Variants in TBX15 observed in about 807,000 individuals in gnomAD.
The protein encoded by TBX15 is T-box transcription factor TBX15.
Under a neutral mutation model 53.9 loss-of-function variants are expected in TBX15, and 18 were observed. That is an observed-to-expected ratio of 0.33 (90% CI 0.23 to 0.49). The LOEUF (loss-of-function observed/expected upper bound fraction) is 0.49, where lower values mean the gene tolerates loss of function less well. TBX15 is among the 20% of genes least tolerant of loss of function. The pLI, the probability that TBX15 is intolerant of heterozygous loss-of-function variation, is 0.98. For missense variants in TBX15, 692 were observed against 749.5 expected, an observed-to-expected ratio of 0.92 and a Z score of 0.90; for synonymous variants, 295 against 278.0, an observed-to-expected ratio of 1.06 and a Z score of -0.61.
rs1365702378 is a variant in TBX15, at chr1:118,931,841, T to C, written c.206-9A>G. The C allele has an allele frequency of 6.4e-7, 1 of 1,559,304 alleles. No homozygotes were observed. The highest frequency in any genetic ancestry group is 1.9e-5 in the Admixed American group (1 of 51,360). Reference sequence around the variant, plus strand: ...AGTGCTCTGCTCAGAATCTGCAAAATAAACAATCAAGCCTTAGGTGAGAAA... The same window carrying C: ...AGTGCTCTGCTCAGAATCTGCAAAACAAACAATCAAGCCTTAGGTGAGAAA... On this transcript the variant is annotated splice_polypyrimidine_tract_variant and intron_variant, in intron 1 of 7. Transcript: ENST00000369429.
chr1:118,914,600 G>A (rs1655139115), intron 5 of TBX15, among the ~76,000 whole-genome samples: 1 of 152,108 alleles, frequency 6.6e-6, no homozygotes, highest in Non-Finnish European at 1.5e-5. Context: ...AATTAATAAT[G>A]GACTCAGTCA....
chr1:118,974,896 C>T (rs572976577), intron 1 of TBX15, among the ~76,000 whole-genome samples: 35 of 152,308 alleles, frequency 2.3e-4, no homozygotes, highest in African/African-American at 7.0e-4. Flanking sequence ...TTTGTAAATT[C>T]AATCCATGGC....
In TBX15 at chr1:118,899,009, C is replaced by A. The variant is rs968452089; in HGVS notation, c.1024+19G>T. 6.2e-7 allele frequency: 1 copy of A among 1,612,568 alleles called. No individual in the cohort carries two copies. Among genetic ancestry groups the A allele is most frequent in the African/African-American group, 1.3e-5 (1 of 74,874 alleles). ...CCCTGGCCCTATCACTAAGCAGAGG[C>A]CTTGCTCCAGGGCTTTACCTTGCTG... On this transcript the variant is annotated intron_variant, in intron 7 of 7. Transcript: ENST00000369429.
chr1:118,916,555 G>C (rs1434383928), intron 5 of TBX15, among the ~76,000 whole-genome samples: 1 of 152,150 alleles, frequency 6.6e-6, no homozygotes, highest in African/African-American at 2.4e-5. Flanking sequence ...ACGCCAGTCA[G>C]AAATGGCGAT....
chr1:118,955,377 C>T (rs1294823852), intron 1 of TBX15, among the ~76,000 whole-genome samples: 2 of 152,210 alleles, frequency 1.3e-5, no homozygotes, highest in Non-Finnish European at 2.9e-5. Flanking sequence ...TATACTTATA[C>T]ACAAGTCAGC....
At position 118,899,262 on chromosome 1, in the gene TBX15, G is replaced by T. The variant is rs1017243028; in HGVS notation, c.927-137C>A. On this transcript the variant is annotated intron_variant, in intron 6 of 7. Transcript: ENST00000369429. ...AGCTACCACCATCAAGGTAAATTCG[G>T]GTGAAAAAACTCAAGGTACAATGAT... 3.7e-6 allele frequency: 3 copies of T among 820,140 alleles called. No individual in the cohort carries two copies. The African/African-American group carries it at 5.1e-5, about 14-fold the overall frequency. 50.8% of individuals were successfully genotyped at this position (820,140 alleles called of 1,614,324 possible). A position where few individuals can be genotyped will look rare whatever the true frequency, so the allele number is the denominator to read the frequency against.
intron 1 of TBX15, among the ~76,000 whole-genome samples, chr1:118,937,969 C>A (rs1016376574): frequency 6.6e-6 from 1 of 152,128 alleles, no homozygotes; most frequent in African/African-American, 2.4e-5. Context: ...TTCCTATTTC[C>A]AGAGGACCTC....
chr1:118,984,626 T>G (rs972147652), intron 1 of TBX15, among the ~76,000 whole-genome samples: 1 of 152,186 alleles, frequency 6.6e-6, no homozygotes, highest in Non-Finnish European at 1.5e-5. Flanking sequence ...AGAGCCAGGC[T>G]CCTCCGAGGC....
intron 1 of TBX15, among the ~76,000 whole-genome samples, chr1:118,979,949 G>A (rs1455801132): frequency 6.6e-6 from 1 of 152,300 alleles, no homozygotes; most frequent in African/African-American, 2.4e-5. Context: ...TCGCCGTTCC[G>A]GCCCCGCGGC....
intron 1 of TBX15, among the ~76,000 whole-genome samples, chr1:118,952,549 C>T (rs958434356): frequency 2.0e-5 from 3 of 152,054 alleles, no homozygotes; most frequent in African/African-American, 7.2e-5. Context: ...AGTCTTATGC[C>T]CTCTTTTTTT....
intron 1 of TBX15, among the ~76,000 whole-genome samples, chr1:118,939,825 A>G (rs1438154661): frequency 6.6e-6 from 1 of 151,986 alleles, no homozygotes; most frequent in African/African-American, 2.4e-5. Context: ...TGGAAATGAA[A>G]AAAAGGAAGA....
chr1:118,944,848 C>T (rs1656298077), intron 1 of TBX15, among the ~76,000 whole-genome samples: 1 of 152,216 alleles, frequency 6.6e-6, no homozygotes, highest in Admixed American at 6.5e-5. Context: ...TCCAGCACAT[C>T]TCACAGTGAC....
intron 1 of TBX15, among the ~76,000 whole-genome samples, chr1:118,971,468 G>A (rs1657234320): frequency 1.3e-5 from 2 of 152,188 alleles, no homozygotes; most frequent in Admixed American, 1.3e-4. Context: ...TTTTACAAAT[G>A]TTAACTGAGT....
At chr1:118,929,481 AG>A (rs1174401612) in intron 2 of TBX15, among the ~76,000 whole-genome samples, 1 of 152,236 alleles carries the variant, frequency 6.6e-6, no homozygotes, top group Non-Finnish European at 1.5e-5. Flanking sequence ...GAGTTGTTTC[AG>A]AATTACCTGA....
intron 1 of TBX15, among the ~76,000 whole-genome samples, chr1:118,954,671 C>A (rs141546823): frequency 2.6e-5 from 4 of 152,280 alleles, no homozygotes; most frequent in Admixed American, 2.0e-4. Flanking sequence ...CAACTGCTTT[C>A]GGGAAAATCT....
chr1:118,891,216 A>T (rs1654130345), intron 7 of TBX15, among the ~76,000 whole-genome samples: 2 of 152,022 alleles, frequency 1.3e-5, no homozygotes, highest in African/African-American at 4.8e-5. Flanking sequence ...ACAGACCTAA[A>T]CTCCTTCTCT....
At chr1:118,948,163 T>G (rs1269335309) in intron 1 of TBX15, among the ~76,000 whole-genome samples, 1 of 152,108 alleles carries the variant, frequency 6.6e-6, no homozygotes, top group East Asian at 1.9e-4. Flanking sequence ...AAGTGCCTTT[T>G]CCTATATTCT....
At chr1:118,885,537 A>C in intron 7 of TBX15, 21 bp from the exon 8 acceptor site, 1 of 1,557,354 alleles carries the variant, frequency 6.4e-7, no homozygotes, top group Non-Finnish European at 8.7e-7. Context: ...AAACGTGAAT[A>C]CTATTGAGAC....
At chr1:118,901,428 C>T in intron 6 of TBX15, 1 of 456,422 alleles carries the variant, frequency 2.2e-6, no homozygotes, top group Non-Finnish European at 4.4e-6. Flanking sequence ...TGTTTTATTG[C>T]AGATTAAGTT....
Sources: allele counts gnomAD v4.1 joint callset (sites outside exome capture counted in the v4.1 genomes callset), GRCh38; gene constraint gnomAD v4.1.1; transcripts MANE v1.5; gene names NCBI Gene and HGNC (gene_info 2026-07-23, HGNC 2026-07-21).